The following TEKT4 variants were observed in gnomAD, a reference collection of about 807,000 sequenced individuals.
TEKT4 encodes the protein tektin-4.
Under a neutral mutation model 46.0 loss-of-function variants are expected in TEKT4, and 46 were observed. The observed-to-expected ratio is 1.00, with a 90% CI of 0.79 to 1.28. TEKT4 has a LOEUF of 1.28. TEKT4 is among the 50% of genes most tolerant of loss of function. The pLI is 0.00. For synonymous variants in TEKT4, 325 were observed against 265.8 expected, an observed-to-expected ratio of 1.22 and a Z score of -2.17; for missense variants, 790 against 622.9, an observed-to-expected ratio of 1.27 and a Z score of -2.85.
intron 1 of TEKT4, chr2:94,872,604 T>A: frequency 6.0e-6 from 2 of 335,438 alleles, no homozygotes; most frequent in Non-Finnish European, 1.2e-5. Context: ...GGTGAGAGAG[T>A]AACTCAGTCC....
Position 94,876,581 on chromosome 2 carries a change from A to G in TEKT4, c.1120A>G (p.Met374Val), listed in dbSNP as rs144442395. 36 of 1,610,746 alleles carry G rather than the reference A, an allele frequency of 2.2e-5. No homozygotes were observed. The African/African-American group carries it at 3.6e-4, about 16-fold the overall frequency. The part of the protein sequence containing the change: ...RLLSEVEELN[M>V]SLTALREKLL... ...GTTGAGTGAGGTGGAGGAGCTGAAC[A>G]TGTCCCTCACAGCACTGCGAGAGAA... Residue 374 changes from methionine (M) to valine (V), a missense_variant, in exon 6 of 6, where the codon ATG becomes GTG. Transcript: ENST00000295201.
intron 1 of TEKT4, chr2:94,873,257 G>A (rs1482313957): frequency 6.7e-6 from 9 of 1,340,880 alleles, no homozygotes; most frequent in Non-Finnish European, 8.6e-6. Context: ...TGAAGCCTGG[G>A]GCGTGGGAAC....
In TEKT4 at chr2:94,871,522, GCAACCGGCTGACCA is replaced by G; in HGVS notation, c.-55_-42del. On this transcript the variant is annotated 5_prime_UTR_variant, in exon 1 of 6. Coordinates refer to ENST00000295201, the MANE Select transcript of TEKT4 (RefSeq NM_144705.4). ...CCCCGCTGACCGCACTAGGCTGACC[GCAACCGGCTGACCA>G]CACACAGTCCTCACTCCCCTGGCCC... 1 of 1,498,074 alleles carries G rather than the reference GCAACCGGCTGACCA, an allele frequency of 6.7e-7. No homozygotes were observed. The highest frequency in any genetic ancestry group is 8.9e-7 in the Non-Finnish European group (1 of 1,124,400). 92.8% of individuals were successfully genotyped at this position (1,498,074 alleles called of 1,614,324 possible).
rs782640153 is a variant in TEKT4, at chr2:94,873,537, G to A, written c.516G>A (p.Arg172=). The A allele has an allele frequency of 1.4e-5, 23 of 1,612,554 alleles. No individual in the cohort carries two copies. In the East Asian group the frequency reaches 4.9e-4, roughly 34 times the overall value. Residue 172 remains arginine (R), a synonymous_variant, in exon 2 of 6, where the codon CGG becomes CGA. Coordinates refer to ENST00000295201, the MANE Select transcript of TEKT4 (RefSeq NM_144705.4). ...TELLKEAELI[R]NIQELLKRTI... is the part of the protein sequence containing the mutation. Reference sequence around the variant, plus strand: ...TCCCTCAGGAAGCCGAGCTCATCCGGAACATTCAGGAGCTGCTGAAGAGAA... The same window carrying A: ...TCCCTCAGGAAGCCGAGCTCATCCGAAACATTCAGGAGCTGCTGAAGAGAA...
intron 1 of TEKT4, chr2:94,872,838 C>T (rs1553395061): frequency 1.6e-6 from 2 of 1,289,432 alleles, no homozygotes; most frequent in Admixed American, 4.6e-5. Flanking sequence ...TGCACTCTCT[C>T]AGTGCCTCAA....
At position 94,872,753 on chromosome 2, in the gene TEKT4, C is replaced by A. The variant is rs1435069786; in HGVS notation, c.498+676C>A. 3.3e-6 allele frequency: 4 copies of A among 1,220,278 alleles called. No homozygotes were observed. In the Admixed American group the frequency reaches 9.4e-5, roughly 29 times the overall value. 75.6% of individuals were successfully genotyped at this position (1,220,278 alleles called of 1,614,324 possible). A position where few individuals can be genotyped will look rare whatever the true frequency, so the allele number is the denominator to read the frequency against. ...TCTCCTGCCATACCCCAAGCTCAGGCAAGAACCCTTGAGTCCCTCCCTCCC... is the reference window on the plus strand; with the variant it reads ...TCTCCTGCCATACCCCAAGCTCAGGAAAGAACCCTTGAGTCCCTCCCTCCC... On this transcript the variant is annotated intron_variant, in intron 1 of 5. Transcript: ENST00000295201.
At chr2:94,875,173 A>G (rs1357417464) in intron 4 of TEKT4, among the ~76,000 whole-genome samples, 175 bp downstream of exon 4, 4 of 152,154 alleles carry the variant, frequency 2.6e-5, no homozygotes, top group African/African-American at 9.7e-5. Flanking sequence ...TGCCACCCCT[A>G]TGACTCAGCA....
rs182296126 is a variant in TEKT4, at chr2:94,874,886, G to A, written c.824G>A (p.Arg275His). The A allele has an allele frequency of 8.5e-5, 137 of 1,611,190 alleles. No individual in the cohort carries two copies. Among genetic ancestry groups the A allele is most frequent in the East Asian group, 2.0e-4 (9 of 44,794 alleles). The change falls in exon 4 of 6, where the codon CGC (arginine) becomes CAC (histidine). Residue 275 changes from arginine to histidine, a missense_variant. Physicochemically the swap from Arg to His is conservative, Grantham distance 29 (BLOSUM62 0). Transcript: ENST00000295201. ...NLRVLVDCILRDTSEDLRLQC... is the reference protein window; with the variant it reads ...NLRVLVDCILHDTSEDLRLQC... ...CGGGTGCTGGTGGACTGCATCCTTC[G>A]CGACACCTCCGAGGACCTGCGGCTC...
At position 94,876,535 on chromosome 2, in the gene TEKT4, C is replaced by A. The variant is rs1382778409; in HGVS notation, c.1092-18C>A. Reference sequence around the variant, plus strand: ...CTGCCCTCCCTAGCCCCGGCTCACACCCCCCCAACACCCCCAGGCTGTTGA... The same window carrying A: ...CTGCCCTCCCTAGCCCCGGCTCACAACCCCCCAACACCCCCAGGCTGTTGA... On this transcript the variant is annotated intron_variant, in intron 5 of 5. Coordinates refer to ENST00000295201, the MANE Select transcript of TEKT4 (RefSeq NM_144705.4). The A allele has an allele frequency of 4.4e-6, 7 of 1,586,960 alleles. No homozygotes were observed. The highest frequency in any genetic ancestry group is 1.7e-4 in the Middle Eastern group (1 of 6,060).
Position 94,871,928 on chromosome 2 carries a change from A to C in TEKT4, c.349A>C (p.Asn117His). ...GATGGAGGCGCTGGCTGCGGAGACC[A>C]ACTTGCTCCTGGCCCAGAAGCAACG... is the stretch of plus-strand genomic sequence containing the variant. ...REMEALAAET[N>H]LLLAQKQRLE... The change falls in exon 1 of 6, where the codon AAC (asparagine) becomes CAC (histidine). Residue 117 changes from asparagine to histidine, a missense_variant. Coordinates refer to ENST00000295201, the MANE Select transcript of TEKT4 (RefSeq NM_144705.4). 6.3e-7 allele frequency: 1 copy of C among 1,599,530 alleles called. No individual in the cohort carries two copies. The highest frequency in any genetic ancestry group is 8.5e-7 in the Non-Finnish European group (1 of 1,177,352).
At chr2:94,872,852 C>T in intron 1 of TEKT4, 2 of 1,289,356 alleles carry the variant, frequency 1.6e-6, no homozygotes, top group Non-Finnish European at 2.0e-6. Flanking sequence ...GCCTCAAGAA[C>T]TCCTGCAGCT....
intron 3 of TEKT4, 97 bp from the exon 4 acceptor site, chr2:94,874,679 G>T: frequency 8.8e-7 from 1 of 1,137,620 alleles, no homozygotes; most frequent in Non-Finnish European, 1.2e-6. Flanking sequence ...ACGTCCTCCA[G>T]GAGCATGGGG....
chr2:94,876,079 A>G (rs573471505), intron 5 of TEKT4, among the ~76,000 whole-genome samples: 2 of 152,326 alleles, frequency 1.3e-5, no homozygotes, highest in African/African-American at 2.4e-5. Flanking sequence ...AGGCAGGGCC[A>G]TTCCCTGCTG....
chr2:94,872,123 GGA>G (rs1383482660), intron 1 of TEKT4, 46 bp downstream of exon 1: 37 of 1,466,276 alleles, frequency 2.5e-5, no homozygotes, highest in East Asian at 5.1e-5. Flanking sequence ...GCAGAGAGGA[GGA>G]GCCCCCCCCC....
At position 94,874,960 on chromosome 2, in the gene TEKT4, G is replaced by A. The variant is rs1192447526; in HGVS notation, c.898G>A (p.Glu300Lys). 11 of 1,610,488 alleles carry A rather than the reference G, an allele frequency of 6.8e-6. No homozygotes were observed. Among genetic ancestry groups the A allele is most frequent in the East Asian group, 2.2e-5 (1 of 44,800 alleles). Residue 300 changes from glutamate to lysine, a missense_variant, in exon 4 of 6, where the codon GAG becomes AAG. Glu to Lys is a moderately conservative substitution (Grantham distance 56). Coordinates refer to ENST00000295201, the MANE Select transcript of TEKT4 (RefSeq NM_144705.4). ...LAFGRRCEEL[E>K]DARYKLHHHL... The stretch of plus-strand genomic sequence containing the variant: ...CTTCGGGCGCCGCTGTGAGGAGCTG[G>A]AGGACGCGCGGTACAAGCTGCATCA...
chr2:94,872,738 T>C (rs1680632855), intron 1 of TEKT4: 2 of 1,102,166 alleles, frequency 1.8e-6, no homozygotes, highest in African/African-American at 1.6e-5. Context: ...TCTCCTGCCA[T>C]ACCCCAAGCT....
chr2:94,873,233 G>A lies in TEKT4; in HGVS notation c.499-287G>A. ...CGTTCCCAGGTGCACTGAGTGAGCAGCAGCGATGACTCCTGAAGCCTGGGG... is the reference window on the plus strand; with the variant it reads ...CGTTCCCAGGTGCACTGAGTGAGCAACAGCGATGACTCCTGAAGCCTGGGG... On this transcript the variant is annotated intron_variant, in intron 1 of 5. Transcript: ENST00000295201. 3.1e-6 allele frequency: 4 copies of A among 1,296,534 alleles called. 1 individual carries two copies. The South Asian group carries it at 4.7e-5, about 15-fold the overall frequency. The allele number at this position is 1,296,534 out of a possible 1,614,324, so 80.3% of individuals were successfully genotyped here.
Position 94,871,591 on chromosome 2 carries a change from A to C in TEKT4, c.12A>C (p.Thr4=). Residue 4 remains threonine, a synonymous_variant, in exon 1 of 6, where the codon ACA becomes ACC. Transcript: ENST00000295201. The stretch of plus-strand genomic sequence containing the variant: ...GGGCGGCAGGCACCATGGCGCAGAC[A>C]GTGCCGCCCTGCGAGCTGCCCTGCA... MAQ[T]VPPCELPCKE... The C allele has an allele frequency of 6.2e-7, 1 of 1,605,692 alleles. No homozygotes were observed. Among genetic ancestry groups the C allele is most frequent in the Non-Finnish European group, 8.5e-7 (1 of 1,176,512 alleles).
intron 4 of TEKT4, 51 bp from the exon 5 acceptor site, chr2:94,875,535 CTA>C (rs1680803726): frequency 6.2e-7 from 1 of 1,609,374 alleles, no homozygotes; most frequent in South Asian, 1.1e-5. Flanking sequence ...TCTCGGCGTT[CTA>C]TATACCCGGG....
Sources: gnomAD v4.1 joint callset for allele counts (sites outside exome capture counted in the v4.1 genomes callset) on GRCh38, gnomAD v4.1.1 for gene constraint, MANE v1.5 for transcripts, NCBI Gene and HGNC (gene_info 2026-07-23, HGNC 2026-07-21) for gene names.